The following CUX2 variants were observed in gnomAD, a reference collection of about 807,000 sequenced individuals.
CUX2 encodes cut like homeobox 2.
CUX2 carries 40 observed loss-of-function variants against 144.8 expected under a neutral mutation model. That is an observed-to-expected ratio of 0.28 (90% CI 0.21 to 0.36). CUX2 has a LOEUF of 0.36. CUX2 is among the 10% of genes least tolerant of loss of function. The pLI is 1.00. For missense variants in CUX2, 1,615 were observed against 1,994.0 expected (o/e 0.81, Z 3.62); for synonymous variants, 827 against 875.6 (o/e 0.94, Z 0.98).
intron 3 of CUX2, among the ~76,000 whole-genome samples, chr12:111,253,650 G>A (rs529543861): frequency 6.6e-6 from 1 of 152,278 alleles, no homozygotes; most frequent in South Asian, 2.1e-4. Context: ...CTTGCTTGGT[G>A]CTGAATGCCC....
intron 4 of CUX2, among the ~76,000 whole-genome samples, chr12:111,278,145 G>A (rs1884967514): frequency 6.6e-6 from 1 of 152,176 alleles, no homozygotes; most frequent in African/African-American, 2.4e-5. Flanking sequence ...GGCAGGACGT[G>A]GTGGCTCACA....
chr12:111,252,636 C>T (rs1442506609), intron 3 of CUX2, among the ~76,000 whole-genome samples: 1 of 152,078 alleles, frequency 6.6e-6, no homozygotes, highest in South Asian at 2.1e-4. Context: ...CTCAGGGAGG[C>T]TCTTAAGTTC....
chr12:111,339,748 C>T (rs999647119), intron 20 of CUX2: 2 of 152,198 alleles, frequency 1.3e-5, no homozygotes, highest in African/African-American at 4.8e-5. Flanking sequence ...GTGTGATGAC[C>T]CAGGGACACG....
At chr12:111,225,028 C>G (rs1882058752) in intron 3 of CUX2, among the ~76,000 whole-genome samples, 3 of 152,218 alleles carry the variant, frequency 2.0e-5, no homozygotes, top group African/African-American at 7.2e-5. Context: ...ACCTCAGCCT[C>G]CCGAGTAGCT....
chr12:111,282,095 G>T (rs888084965), intron 4 of CUX2, among the ~76,000 whole-genome samples: 1 of 152,106 alleles, frequency 6.6e-6, no homozygotes, highest in Non-Finnish European at 1.5e-5. Flanking sequence ...GCTGAGGCAG[G>T]TGGATCACGA....
Position 111,038,714 on chromosome 12 carries a change from CTT to C in CUX2, c.63+4476_63+4477del, listed in dbSNP as rs1592840891. On this transcript the variant is annotated intron_variant, in intron 1 of 21. Coordinates refer to ENST00000261726, the MANE Select transcript of CUX2 (RefSeq NM_015267.4). The stretch of plus-strand genomic sequence containing the variant: ...ATTGCTTCTCAAAAACGGGCTCTCT[CTT>C]TGAATGCTAGAAGAAAAAACAAGCA... Among the ~76,000 whole-genome samples the C allele has an allele frequency of 2.0e-5, 3 of 152,332 alleles. No individual in the cohort carries two copies. The East Asian group carries it at 5.8e-4, about 29-fold the overall frequency.
At chr12:111,343,380 C>G (rs1382221607) in intron 21 of CUX2, among the ~76,000 whole-genome samples, 1 of 152,126 alleles carries the variant, frequency 6.6e-6, no homozygotes, top group Non-Finnish European at 1.5e-5. Context: ...CTGTAAAGAA[C>G]ACTTGGGGGG....
At position 111,293,098 on chromosome 12, in the gene CUX2, C is replaced by T. The variant is rs1327646618; in HGVS notation, c.437-348C>T. Among the ~76,000 whole-genome samples the T allele has an allele frequency of 2.0e-5, 3 of 151,214 alleles. No homozygotes were observed. Among genetic ancestry groups the T allele is most frequent in the African/African-American group, 7.3e-5 (3 of 40,970 alleles). ...AGATTGTGCCACTGCACTCGCAGTC[C>T]AGCCTGGGCAACAGACCAAGACTCC... On this transcript the variant is annotated intron_variant, in intron 5 of 21. Coordinates refer to ENST00000261726, the MANE Select transcript of CUX2 (RefSeq NM_015267.4). The surrounding 1 kb of genome is among the most constrained non-coding windows in gnomAD (Gnocchi z 4.5).
rs1887598171 is a variant in CUX2, at chr12:111,322,743, G to C, written c.2926+163G>C. Among the ~76,000 whole-genome samples, 1 of 152,202 alleles carries C rather than the reference G, an allele frequency of 6.6e-6. No individual in the cohort carries two copies. The highest frequency in any genetic ancestry group is 6.5e-5 in the Admixed American group (1 of 15,276). ...TGGCTGCACTGGAACATGGCGGGGG[G>C]TCCTGGGGTTTCTCTGCTCCCCTTT... On this transcript the variant is annotated intron_variant, in intron 18 of 21. Coordinates refer to ENST00000261726, the MANE Select transcript of CUX2 (RefSeq NM_015267.4). This position sits in a 1 kb window ranked among gnomAD's most constrained non-coding sequence, Gnocchi z 4.2.
At chr12:111,224,632 A>G (rs918143411) in intron 3 of CUX2, among the ~76,000 whole-genome samples, 3 of 142,610 alleles carry the variant, frequency 2.1e-5, no homozygotes, top group African/African-American at 2.6e-5. Context: ...TGGCACTGGT[A>G]TGACTATCCC....
intron 1 of CUX2, among the ~76,000 whole-genome samples, chr12:111,132,099 C>T (rs1250633611): frequency 6.6e-6 from 1 of 152,246 alleles, no homozygotes; most frequent in African/African-American, 2.4e-5. Flanking sequence ...CAGGCATTTC[C>T]ATACATCTTC....
chr12:111,115,309 A>G (rs7314732), intron 1 of CUX2, among the ~76,000 whole-genome samples: 130,583 of 132,120 alleles, frequency 0.99, 64,535 homozygotes, highest in East Asian at 1. Flanking sequence ...TTTTTGAGAT[A>G]GAGTCTTGCT....
intron 1 of CUX2, among the ~76,000 whole-genome samples, chr12:111,104,256 T>C (rs146528077): frequency 4.6e-4 from 70 of 152,270 alleles, no homozygotes; most frequent in African/African-American, 1.6e-3. Context: ...TTTTTCTGCC[T>C]TTCACTCTTC....
rs1872045497 is a variant in CUX2, at chr12:111,083,881, C to T, written c.63+49641C>T. ...GCCCGCCTTTGGCCCAGAGAACGTGCTTGTTCAAGGTTACTTTGATGGGGG... is the reference window on the plus strand; with the variant it reads ...GCCCGCCTTTGGCCCAGAGAACGTGTTTGTTCAAGGTTACTTTGATGGGGG... On this transcript the variant is annotated intron_variant, in intron 1 of 21. Coordinates refer to ENST00000261726, the MANE Select transcript of CUX2 (RefSeq NM_015267.4). Among the ~76,000 whole-genome samples the T allele has an allele frequency of 4.6e-5, 7 of 152,296 alleles. No homozygotes were observed. The South Asian group carries it at 1.2e-3, about 27-fold the overall frequency.
chr12:111,173,526 T>C (rs1878670893), intron 1 of CUX2, among the ~76,000 whole-genome samples: 1 of 152,210 alleles, frequency 6.6e-6, no homozygotes, highest in Non-Finnish European at 1.5e-5. Flanking sequence ...CTGGAGCTTT[T>C]AGTCTAGCTA....
intron 1 of CUX2, among the ~76,000 whole-genome samples, chr12:111,055,290 C>T (rs1169664909): frequency 1.3e-5 from 2 of 152,154 alleles, no homozygotes; most frequent in African/African-American, 2.4e-5. Context: ...GTCCCAGAGG[C>T]CACCGTCAGA....
At position 111,170,943 on chromosome 12, in the gene CUX2, C is replaced by T. The variant is rs1439629560; in HGVS notation, c.64-43257C>T. 5.3e-5 allele frequency among the ~76,000 whole-genome samples: 8 copies of T among 152,010 alleles called. No homozygotes were observed. In the East Asian group the frequency reaches 1.2e-3, roughly 22 times the overall value. ...CGGGAGAGATTAAGGAGGGATGGACCGGGCCCATGTCTGGCATCGGCAATT... is the reference window on the plus strand; with the variant it reads ...CGGGAGAGATTAAGGAGGGATGGACTGGGCCCATGTCTGGCATCGGCAATT... On this transcript the variant is annotated intron_variant, in intron 1 of 21. Coordinates refer to ENST00000261726, the MANE Select transcript of CUX2 (RefSeq NM_015267.4).
chr12:111,346,034 G>A (rs183410806), intron 21 of CUX2, among the ~76,000 whole-genome samples: 1 of 151,386 alleles, frequency 6.6e-6, no homozygotes, highest in African/African-American at 2.4e-5. Context: ...GAACCCGGGA[G>A]GCAGAGGTTG....
In CUX2 at chr12:111,307,216, C is replaced by G. The variant is rs369105020; in HGVS notation, c.1068C>G (p.Leu356=). The G allele has an allele frequency of 6.2e-6, 10 of 1,614,094 alleles. No individual in the cohort carries two copies. The African/African-American group carries it at 1.2e-4, about 19-fold the overall frequency. ...SEAIEKLEEK[L]QAQSDYEEIK... Reference sequence around the variant, plus strand: ...TCTTCTAGAAGCTGGAAGAGAAGCTCCAGGCCCAGTCTGACTATGAGGAAA... The same window carrying G: ...TCTTCTAGAAGCTGGAAGAGAAGCTGCAGGCCCAGTCTGACTATGAGGAAA... Residue 356 remains leucine, a synonymous_variant, in exon 12 of 22, where the codon CTC becomes CTG. Transcript: ENST00000261726. The surrounding 1 kb of genome is among the most constrained non-coding windows in gnomAD (Gnocchi z 4.1).
Sources: gnomAD v4.1 joint callset for allele counts (sites outside exome capture counted in the v4.1 genomes callset) on GRCh38, gnomAD v4.1.1 for gene constraint, Gnocchi (gnomAD v3.1) non-coding constraint, MANE v1.5 for transcripts, NCBI Gene and HGNC (gene_info 2026-07-23, HGNC 2026-07-21) for gene names.